SMIM35: variants seen among roughly 807,000 people sequenced by gnomAD.
SMIM35 encodes the protein small integral membrane protein 35.
chr11:118,053,507 A>G (rs1053902586), intron 1 of SMIM35, among the ~76,000 whole-genome samples: 132 of 152,272 alleles, frequency 8.7e-4, no homozygotes, highest in African/African-American at 3.1e-3. Flanking sequence ...TGCTCTGGCA[A>G]CCCTTCCTTG....
intron 4 of SMIM35, among the ~76,000 whole-genome samples, chr11:118,012,706 G>T (rs2058156573): frequency 6.6e-6 from 1 of 152,216 alleles, no homozygotes; most frequent in African/African-American, 2.4e-5. Context: ...CAGGGGGAGG[G>T]TTGAAAGTGC....
At chr11:118,065,033 T>G (rs541225597) in intron 1 of SMIM35, among the ~76,000 whole-genome samples, 31 of 152,280 alleles carry the variant, frequency 2.0e-4, no homozygotes, top group Middle Eastern at 6.8e-3. Flanking sequence ...GATCCAGATA[T>G]CCCAACTCAG....
At position 118,055,437 on chromosome 11, in the gene SMIM35, A is replaced by T. The variant is rs564267829; in HGVS notation, c.7+31314T>A. 7.9e-5 allele frequency among the ~76,000 whole-genome samples: 12 copies of T among 151,412 alleles called. 1 individual carries two copies. In the South Asian group the frequency reaches 2.3e-3, roughly 29 times the overall value. On this transcript the variant is annotated intron_variant, in intron 1 of 4. Transcript: ENST00000689828. ...ACTCTATGCCACACCTGCCACCACC[A>T]CCCCGGCCCTGCCACCTCCTACCAA...
chr11:118,048,621 G>GGA (rs373866285), intron 1 of SMIM35, among the ~76,000 whole-genome samples: 2 of 150,166 alleles, frequency 1.3e-5, no homozygotes, highest in South Asian at 4.2e-4. Flanking sequence ...AAGCAAGGAA[G>GGA]GAGAGAGAGA....
chr11:118,025,828 C>T lies in SMIM35; in HGVS notation c.8-10019G>A, dbSNP rs372985778. 1,227 of 445,230 alleles carry T rather than the reference C, an allele frequency of 2.8e-3. 33 individuals carry two copies. Among genetic ancestry groups the T allele is most frequent in the South Asian group, 0.019 (1,193 of 61,464 alleles). The allele number at this position is 445,230 out of a possible 1,614,324, so 27.6% of individuals were successfully genotyped here. ...CCCTTTTGTCAGTTTTTATTTTTGT[C>T]GTAACTGCTTTTGGAAACTTAGTCA... On this transcript the variant is annotated intron_variant, in intron 1 of 4. Transcript: ENST00000689828.
chr11:118,056,417 G>A (rs1489063025), intron 1 of SMIM35, among the ~76,000 whole-genome samples: 1 of 152,146 alleles, frequency 6.6e-6, no homozygotes, highest in Non-Finnish European at 1.5e-5. Context: ...GTGTTGATTA[G>A]GCAACAGGGT....
chr11:118,029,282 C>T (rs983898789), intron 1 of SMIM35, among the ~76,000 whole-genome samples: 1 of 152,170 alleles, frequency 6.6e-6, no homozygotes, highest in Non-Finnish European at 1.5e-5. Context: ...GCCAACGAAA[C>T]GCCGTCTCTA....
At chr11:118,013,194 G>T (rs2058159253) in intron 4 of SMIM35, among the ~76,000 whole-genome samples, 1 of 152,232 alleles carries the variant, frequency 6.6e-6, no homozygotes, top group Non-Finnish European at 1.5e-5. Flanking sequence ...AGGCCTTGAA[G>T]ATCCGAGGGG....
chr11:118,037,193 A>G (rs1259149391), intron 1 of SMIM35, among the ~76,000 whole-genome samples: 1 of 152,132 alleles, frequency 6.6e-6, no homozygotes, highest in Non-Finnish European at 1.5e-5. Context: ...GGGGTGTAGT[A>G]GCGGTTGTGC....
At chr11:118,055,852 G>C (rs965156186) in intron 1 of SMIM35, among the ~76,000 whole-genome samples, 3 of 152,162 alleles carry the variant, frequency 2.0e-5, no homozygotes, top group African/African-American at 7.2e-5. Context: ...CACAGTGACA[G>C]GTAATCTGTG....
intron 1 of SMIM35, among the ~76,000 whole-genome samples, chr11:118,062,919 T>C (rs917562180): frequency 2.6e-5 from 4 of 152,116 alleles, no homozygotes; most frequent in African/African-American, 4.8e-5. Flanking sequence ...AAGACCTTGC[T>C]GATAAAACAG....
At chr11:118,021,948 A>G (rs1370785184) in intron 1 of SMIM35, among the ~76,000 whole-genome samples, 2 of 152,122 alleles carry the variant, frequency 1.3e-5, no homozygotes, top group Non-Finnish European at 2.9e-5. Flanking sequence ...ACTACATCCA[A>G]CATCTGGGGA....
At chr11:118,066,985 C>T (rs2135132526) in intron 1 of SMIM35, among the ~76,000 whole-genome samples, 1 of 152,192 alleles carries the variant, frequency 6.6e-6, no homozygotes, top group Non-Finnish European at 1.5e-5. Flanking sequence ...TTTGCTTGTG[C>T]TTGCCTGCAT....
chr11:118,022,229 T>TACA (rs1742017560), intron 1 of SMIM35, among the ~76,000 whole-genome samples: 1 of 152,024 alleles, frequency 6.6e-6, no homozygotes, highest in Non-Finnish European at 1.5e-5. Flanking sequence ...TTTTGTAATT[T>TACA]TAGTAGAGAC....
intron 4 of SMIM35, among the ~76,000 whole-genome samples, chr11:118,006,818 C>A (rs929297537): frequency 6.6e-6 from 1 of 152,164 alleles, no homozygotes; most frequent in Non-Finnish European, 1.5e-5. Flanking sequence ...CCCTTCCCTG[C>A]AATTTTCACC....
intron 1 of SMIM35, among the ~76,000 whole-genome samples, chr11:118,042,303 A>C (rs1331134603): frequency 6.6e-6 from 1 of 152,134 alleles, no homozygotes; most frequent in African/African-American, 2.4e-5. Context: ...ACGTTACAGA[A>C]ACAAACATAA....
Position 118,085,226 on chromosome 11 carries a change from C to CT in SMIM35, c.7+1524dup, listed in dbSNP as rs67063759. On this transcript the variant is annotated intron_variant, in intron 1 of 4. Transcript: ENST00000689828. ...GATGGAGGAGTCAGATCTTCTTCTT[C>CT]TTTTTTTTTTTTTTTGAGACAGAGT... Among the ~76,000 whole-genome samples, 1,031 of 141,866 alleles carry CT rather than the reference C, an allele frequency of 7.3e-3. 13 individuals are homozygous for CT. Among genetic ancestry groups the CT allele is most frequent in the African/African-American group, 0.021 (798 of 38,564 alleles). 93.1% of individuals were successfully genotyped at this position (141,866 alleles called of 152,430 possible).
At chr11:118,056,501 C>A (rs965223498) in intron 1 of SMIM35, among the ~76,000 whole-genome samples, 6 of 152,144 alleles carry the variant, frequency 3.9e-5, no homozygotes, top group African/African-American at 1.4e-4. Context: ...CTCAAGGTAC[C>A]TGCCAGACCC....
intron 1 of SMIM35, among the ~76,000 whole-genome samples, chr11:118,045,325 C>T (rs1481414621): frequency 5.1e-5 from 6 of 117,590 alleles, no homozygotes. Context: ...ATGGTATACA[C>T]ACATGCACAC....
Sources: gnomAD v4.1 joint callset for allele counts (sites outside exome capture counted in the v4.1 genomes callset) on GRCh38, gnomAD v4.1.1 for gene constraint, MANE v1.5 for transcripts, NCBI Gene and HGNC (gene_info 2026-07-23, HGNC 2026-07-21) for gene names.